The following TRIM66 variants were observed in gnomAD, a reference collection of about 807,000 sequenced individuals.
The protein encoded by TRIM66 is tripartite motif-containing protein 66.
Under a neutral mutation model 148.2 loss-of-function variants are expected in TRIM66, and 99 were observed. The ratio of observed to expected loss-of-function variants is 0.67; its 90% CI spans 0.57 to 0.79. The LOEUF (loss-of-function observed/expected upper bound fraction) is 0.79. TRIM66 is among the 30% of genes least tolerant of loss of function. TRIM66 has a pLI of 0.00. For synonymous variants in TRIM66, 616 were observed against 635.9 expected (o/e 0.97, Z 0.47); for missense variants, 1,666 against 1,697.9 (o/e 0.98, Z 0.33).
intron 7 of TRIM66, among the ~76,000 whole-genome samples, 176 bp from the exon 8 acceptor site, chr11:8,650,063 T>G (rs1461420108): frequency 6.6e-6 from 1 of 152,014 alleles, no homozygotes; most frequent in Non-Finnish European, 1.5e-5. Flanking sequence ...GAAGGAAGCA[T>G]CCTTTGTAAC....
At chr11:8,641,348 G>T (rs1389623602) in intron 13 of TRIM66, among the ~76,000 whole-genome samples, 196 bp from the exon 14 acceptor site, 3 of 152,070 alleles carry the variant, frequency 2.0e-5, no homozygotes, top group Non-Finnish European at 4.4e-5. Context: ...TGCTTTGGGG[G>T]CCTAGGATAT....
chr11:8,640,828 T>C lies in TRIM66; in HGVS notation c.1547A>G (p.Lys516Arg), dbSNP rs759546772. 3.4e-5 allele frequency: 52 copies of C among 1,550,574 alleles called. No individual in the cohort carries two copies. In the South Asian group the frequency reaches 5.6e-4, roughly 17 times the overall value. Residue 516 changes from lysine (K) to arginine (R), a missense_variant, in exon 14 of 25, where the codon AAA becomes AGA. Lys to Arg is a conservative substitution (Grantham distance 26, BLOSUM62 2). Transcript: ENST00000646038. The part of the protein sequence containing the change: ...LQCSALLPRE[K>R]ELACSPHPPK... Reference sequence around the variant, plus strand: ...TGGATGAGGGCTGCAGGCCAGCTCTTTCTCCCTGGGCAGCAGGGCAGAGCA... The same window carrying C: ...TGGATGAGGGCTGCAGGCCAGCTCTCTCTCCCTGGGCAGCAGGGCAGAGCA...
intron 6 of TRIM66, among the ~76,000 whole-genome samples, chr11:8,656,575 G>A (rs1457391603): frequency 6.6e-6 from 1 of 152,196 alleles, no homozygotes; most frequent in African/African-American, 2.4e-5. Flanking sequence ...TCTGTCACAA[G>A]TGCAAACACT....
intron 17 of TRIM66, 103 bp from the exon 18 acceptor site, chr11:8,622,979 C>A: frequency 9.8e-7 from 1 of 1,017,926 alleles, no homozygotes; most frequent in Non-Finnish European, 1.5e-6. Flanking sequence ...TTTGGCCACA[C>A]ATCTGTCATA....
chr11:8,624,681 G>A, intron 16 of TRIM66, 32 bp downstream of exon 16: 1 of 1,480,558 alleles, frequency 6.8e-7, no homozygotes, highest in Non-Finnish European at 9.0e-7. Context: ...GATGAACAAA[G>A]GAAGTTTGGA....
intron 6 of TRIM66, among the ~76,000 whole-genome samples, chr11:8,661,192 T>C (rs1220263754): frequency 6.6e-6 from 1 of 152,184 alleles, no homozygotes; most frequent in Non-Finnish European, 1.5e-5. Flanking sequence ...ATCCAGGGCC[T>C]GTGAGGAAGA....
At chr11:8,670,953 T>C (rs1435380505) in intron 6 of TRIM66, among the ~76,000 whole-genome samples, 1 of 152,204 alleles carries the variant, frequency 6.6e-6, no homozygotes, top group Non-Finnish European at 1.5e-5. Context: ...ACAGGACTCA[T>C]GAAAATATGT....
At chr11:8,619,323 A>AC in intron 23 of TRIM66, 60 bp downstream of exon 23, 17 of 1,120,708 alleles carry the variant, frequency 1.5e-5, no homozygotes, top group Non-Finnish European at 1.9e-5. Flanking sequence ...AACCCTACCC[A>AC]CCCATGACAG....
chr11:8,642,610 C>A (rs115639040), intron 13 of TRIM66, among the ~76,000 whole-genome samples: 2,736 of 152,152 alleles, frequency 0.018, 82 homozygotes, highest in African/African-American at 0.061. Flanking sequence ...TGCTGAGATA[C>A]CCCTGCTTGT....
rs371372378 is a variant in TRIM66, at chr11:8,640,205, G to A, written c.2148+22C>T. 1.2e-4 allele frequency: 179 copies of A among 1,545,406 alleles called. 2 individuals carry two copies. In the South Asian group the frequency reaches 1.7e-3, roughly 14 times the overall value. The stretch of plus-strand genomic sequence containing the variant: ...ATCCTACGATGGGCAGAATATGCAC[G>A]CCAAGCCACCCTGACGCTTACCTGC... On this transcript the variant is annotated intron_variant, in intron 14 of 24. Coordinates refer to ENST00000646038, the MANE Select transcript of TRIM66 (RefSeq NM_001388022.1).
At position 8,617,868 on chromosome 11, in the gene TRIM66, A is replaced by G; in HGVS notation, c.*76T>C. 7.2e-7 allele frequency: 1 copy of G among 1,392,910 alleles called. No individual in the cohort carries two copies. The highest frequency in any genetic ancestry group is 2.5e-5 in the East Asian group (1 of 40,110). 86.3% of individuals were successfully genotyped at this position (1,392,910 alleles called of 1,614,324 possible). ...ATCTACCATCCACACTCTGAAGAGG[A>G]TAAGCTGCAAGATGGGGAGGAATGG... On this transcript the variant is annotated 3_prime_UTR_variant, in exon 25 of 25. Coordinates refer to ENST00000646038, the MANE Select transcript of TRIM66 (RefSeq NM_001388022.1).
At chr11:8,644,376 A>C in intron 12 of TRIM66, 1 of 452,308 alleles carries the variant, frequency 2.2e-6, no homozygotes, top group South Asian at 1.6e-5. Context: ...TGACCATTTA[A>C]AATCTTTACT....
intron 22 of TRIM66, 26 bp downstream of exon 22, chr11:8,620,024 T>C: frequency 1.3e-6 from 2 of 1,547,676 alleles, no homozygotes; most frequent in Non-Finnish European, 1.7e-6. Context: ...AAGGAGAAGG[T>C]GAGAGAACAG....
chr11:8,644,254 C>A (rs917692054), intron 12 of TRIM66: 2 of 347,366 alleles, frequency 5.8e-6, no homozygotes, highest in African/African-American at 4.3e-5. Flanking sequence ...TCCAGCCATA[C>A]CAAAGCCATG....
rs764110317 is a variant in TRIM66, at chr11:8,613,073, TGAG to T, written c.*4868_*4870del. 6 of 152,196 alleles carry T rather than the reference TGAG, an allele frequency of 3.9e-5. No individual in the cohort carries two copies. The highest frequency in any genetic ancestry group is 2.1e-4 in the South Asian group (1 of 4,820). The allele number at this position is 152,196 out of a possible 1,614,324, so 9.4% of individuals were successfully genotyped here. A position where few individuals can be genotyped will look rare whatever the true frequency, so the allele number is the denominator to read the frequency against. Reference sequence around the variant, plus strand: ...CAGGAGCTCATAAACATGGTTGGCATGAGGAGAACTGAGTTCAGGAAAAGGAAG... The same window carrying T: ...CAGGAGCTCATAAACATGGTTGGCATGAGAACTGAGTTCAGGAAAAGGAAG... On this transcript the variant is annotated 3_prime_UTR_variant, in exon 25 of 25. Coordinates refer to ENST00000646038, the MANE Select transcript of TRIM66 (RefSeq NM_001388022.1).
chr11:8,622,029 C>T (rs951406303), intron 18 of TRIM66, among the ~76,000 whole-genome samples: 8 of 151,922 alleles, frequency 5.3e-5, no homozygotes, highest in Non-Finnish European at 1.0e-4. Context: ...AAGGCAGGCC[C>T]ACCCTTAATT....
chr11:8,667,695 T>G (rs1211521636), intron 6 of TRIM66, among the ~76,000 whole-genome samples: 1 of 152,200 alleles, frequency 6.6e-6, no homozygotes, highest in Non-Finnish European at 1.5e-5. Flanking sequence ...TTACCTCATT[T>G]AGCATAATGT....
At chr11:8,623,121 G>C (rs1274305756) in intron 17 of TRIM66, among the ~76,000 whole-genome samples, 1 of 152,184 alleles carries the variant, frequency 6.6e-6, no homozygotes, top group Non-Finnish European at 1.5e-5. Context: ...GCTGCCTATG[G>C]GTAAGTGTTG....
rs78966200 is a variant in TRIM66 at position 8,680,489 on chromosome 11, T to C, written c.-547-426A>G. On this transcript the variant is annotated intron_variant, in intron 1 of 24. Coordinates refer to ENST00000646038, the MANE Select transcript of TRIM66 (RefSeq NM_001388022.1). ...TAAGGCTTAAACAGAGGAAGCACAT[T>C]GGGGAGATACAGAAACAAAAGGATA... Among the ~76,000 whole-genome samples the C allele has an allele frequency of 5.7e-3, 864 of 152,000 alleles. 16 individuals are homozygous for C. The highest frequency in any genetic ancestry group is 0.035 in the Admixed American group (529 of 15,252).
Sources: allele counts gnomAD v4.1 joint callset (sites outside exome capture counted in the v4.1 genomes callset), GRCh38; gene constraint gnomAD v4.1.1; transcripts MANE v1.5; gene names NCBI Gene and HGNC (gene_info 2026-07-23, HGNC 2026-07-21).